Variants in CLCN5 observed in about 807,000 individuals in gnomAD.
CLCN5 encodes Cl-/H+ antiporter 5.
In CLCN5, 17 loss-of-function variants were observed where a neutral mutation model predicts 54.0. The observed-to-expected ratio is 0.31, with a 90% CI of 0.22 to 0.47. The LOEUF (loss-of-function observed/expected upper bound fraction) is 0.47. CLCN5 is among the 20% of genes least tolerant of loss of function. The pLI is 1.00. For synonymous variants in CLCN5, 222 were observed against 233.0 expected, an observed-to-expected ratio of 0.95 and a Z score of 0.43; for missense variants, 448 against 646.7, an observed-to-expected ratio of 0.69 and a Z score of 3.33.
intron 3 of CLCN5, among the ~76,000 whole-genome samples, chrX:49,975,792 A>T (rs1435477216): frequency 1.6e-4 from 18 of 112,053 alleles, no homozygotes; most frequent in African/African-American, 5.8e-4. Flanking sequence ...GTGATTAAAC[A>T]AAAAGGACCA....
chrX:50,057,215 G>C (rs1398451860), intron 4 of CLCN5, among the ~76,000 whole-genome samples: 1 of 109,064 alleles, frequency 9.2e-6, no homozygotes, highest in African/African-American at 3.3e-5. Flanking sequence ...GGTGAGGTGG[G>C]GGAGGAGAGT....
At chrX:49,961,319 T>G (rs1375610190) in intron 3 of CLCN5, among the ~76,000 whole-genome samples, 1 of 112,366 alleles carries the variant, frequency 8.9e-6, no homozygotes. Context: ...GGCCACCTAC[T>G]GTGTGACATA....
intron 4 of CLCN5, among the ~76,000 whole-genome samples, chrX:50,051,992 T>A (rs1181413802): frequency 8.9e-6 from 1 of 111,781 alleles, no homozygotes; most frequent in African/African-American, 3.2e-5. Context: ...AAAGACAGTT[T>A]TATTTCTCTC....
intron 3 of CLCN5, among the ~76,000 whole-genome samples, chrX:49,973,619 A>G (rs1305321273): frequency 9.2e-6 from 1 of 109,004 alleles, no homozygotes; most frequent in Non-Finnish European, 1.9e-5. Context: ...CAATGATCTT[A>G]AGTATACAGA....
chrX:49,945,814 T>C (rs1199909629), intron 3 of CLCN5, among the ~76,000 whole-genome samples: 1 of 106,775 alleles, frequency 9.4e-6, no homozygotes, highest in Non-Finnish European at 1.9e-5. Context: ...TGGAGTGCAG[T>C]GGCACGATCT....
chrX:50,060,847 C>A (rs1480184735), intron 4 of CLCN5, among the ~76,000 whole-genome samples: 1 of 94,497 alleles, frequency 1.1e-5, no homozygotes, highest in Non-Finnish European at 2.0e-5. Context: ...GGGTCCCTGA[C>A]CCCTGACCCC....
At chrX:50,074,832 C>T (rs1394933837) in intron 6 of CLCN5, among the ~76,000 whole-genome samples, 3 of 111,844 alleles carry the variant, frequency 2.7e-5, no homozygotes, top group Non-Finnish European at 5.6e-5. Context: ...TCTGGGAATT[C>T]AAGGGCTGTG....
intron 7 of CLCN5, among the ~76,000 whole-genome samples, chrX:50,077,995 T>C (rs1431437979): frequency 9.8e-6 from 1 of 102,043 alleles, no homozygotes; most frequent in Non-Finnish European, 2.0e-5. Context: ...ACCACTGCAC[T>C]CCAGCCTGGG....
chrX:50,067,670 T>G, intron 4 of CLCN5: 1 of 753,785 alleles, frequency 1.3e-6, no homozygotes, highest in Non-Finnish European at 1.6e-6. Context: ...TGGGGCTTCT[T>G]TTGTAAAAGC....
At chrX:49,961,538 A>G (rs1601980994) in intron 3 of CLCN5, among the ~76,000 whole-genome samples, 1 of 111,641 alleles carries the variant, frequency 9.0e-6, no homozygotes, top group East Asian at 2.8e-4. Context: ...TAACTATTAC[A>G]CTATTGCCTT....
chrX:50,042,586 T>C, intron 4 of CLCN5, 124 bp downstream of exon 4: 5 of 397,940 alleles, frequency 1.3e-5, no homozygotes, highest in Non-Finnish European at 2.0e-5. Context: ...ATGGCTAGAT[T>C]ATTGTAACTA....
chrX:49,949,474 A>G (rs1439714344), intron 3 of CLCN5, among the ~76,000 whole-genome samples: 2 of 112,078 alleles, frequency 1.8e-5, no homozygotes, highest in East Asian at 2.8e-4. Flanking sequence ...GGATATGACA[A>G]TTGTTTGGCT....
At chrX:50,074,792 T>C (rs1461640217) in intron 6 of CLCN5, among the ~76,000 whole-genome samples, 1 of 112,052 alleles carries the variant, frequency 8.9e-6, no homozygotes, top group Non-Finnish European at 1.9e-5. Context: ...AGAGCAACAA[T>C]AGAAGCAGTG....
At chrX:50,062,094 A>G (rs1932864101) in intron 4 of CLCN5, among the ~76,000 whole-genome samples, 1 of 108,206 alleles carries the variant, frequency 9.2e-6, no homozygotes. Flanking sequence ...AAGAAAGTGC[A>G]TCAACTAATG....
rs1932255194 is a variant in CLCN5 at position 50,042,399 on chromosome X, C to A, written c.100C>A (p.Pro34Thr). ...SSSDEDLMDI[P>T]ATAMDFSMRD... ...CAGTGATGAAGACCTGATGGACATTCCAGCAACCGCTATGGATTTCTCCAT... is the reference window on the plus strand; with the variant it reads ...CAGTGATGAAGACCTGATGGACATTACAGCAACCGCTATGGATTTCTCCAT... The change falls in exon 4 of 15, where the codon CCA (proline) becomes ACA (threonine). Residue 34 changes from proline to threonine, a missense_variant. Pro to Thr is a conservative substitution (Grantham distance 38, BLOSUM62 -1). Coordinates refer to ENST00000376091, the MANE Select transcript of CLCN5 (RefSeq NM_001127898.4). The A allele has an allele frequency of 1.7e-6, 2 of 1,158,935 alleles. No homozygotes were observed. The highest frequency in any genetic ancestry group is 2.3e-6 in the Non-Finnish European group (2 of 865,695).
At chrX:49,975,986 G>A (rs1557176860) in intron 3 of CLCN5, among the ~76,000 whole-genome samples, 2 of 111,579 alleles carry the variant, frequency 1.8e-5, no homozygotes, top group Non-Finnish European at 3.8e-5. Context: ...GTATCTACTG[G>A]CATCTAGTGG....
chrX:49,960,299 T>A (rs952497983), intron 3 of CLCN5, among the ~76,000 whole-genome samples: 1 of 111,093 alleles, frequency 9.0e-6, no homozygotes, highest in Admixed American at 9.6e-5. Flanking sequence ...GCTGAGTAAG[T>A]ACTAGGGAAA....
intron 3 of CLCN5, among the ~76,000 whole-genome samples, chrX:49,965,487 A>G (rs1230457594): frequency 8.9e-6 from 1 of 111,939 alleles, no homozygotes; most frequent in Admixed American, 9.5e-5. Flanking sequence ...TATATTTTGC[A>G]ATGTGCTAAA....
intron 3 of CLCN5, among the ~76,000 whole-genome samples, chrX:49,966,252 G>A (rs890677364): frequency 2.5e-4 from 28 of 111,613 alleles, no homozygotes; most frequent in Non-Finnish European, 3.0e-4. Context: ...TTTAATAGAT[G>A]TAGTATATTC....
Sources: gnomAD v4.1 joint callset for allele counts (sites outside exome capture counted in the v4.1 genomes callset) on GRCh38, gnomAD v4.1.1 for gene constraint, MANE v1.5 for transcripts, NCBI Gene and HGNC (gene_info 2026-07-23, HGNC 2026-07-21) for gene names.